The following ANKRD36C variants were observed in gnomAD, a reference collection of about 807,000 sequenced individuals.
The protein encoded by ANKRD36C is ankyrin repeat domain-containing protein 36C.
Under a neutral mutation model 276.4 loss-of-function variants are expected in ANKRD36C, and 61 were observed. The observed-to-expected ratio is 0.22, with a 90% CI of 0.18 to 0.27. The LOEUF is 0.27. Ranked by LOEUF, ANKRD36C falls within the 10% of genes least tolerant of loss-of-function variation. ANKRD36C has a pLI of 1.00. For missense variants in ANKRD36C, 1,447 were observed against 2,032.3 expected, an observed-to-expected ratio of 0.71 and a Z score of 5.54; for synonymous variants, 483 against 680.1, an observed-to-expected ratio of 0.71 and a Z score of 4.51.
intron 59 of ANKRD36C, among the ~76,000 whole-genome samples, chr2:95,875,732 A>C (rs201080224): frequency 3.3e-5 from 5 of 152,328 alleles, no homozygotes; most frequent in Admixed American, 6.5e-5. Context: ...ATGCAAATTA[A>C]ACATTGTAAT....
chr2:95,890,098 A>T (rs1676303719), intron 46 of ANKRD36C, 104 bp from the exon 67 acceptor site: 1 of 1,437,798 alleles, frequency 7.0e-7, no homozygotes, highest in Admixed American at 1.8e-5. Context: ...TGCCTGTATT[A>T]GTGTAGGCTT....
intron 44 of ANKRD36C, among the ~76,000 whole-genome samples, chr2:95,894,929 T>C (rs1457690247): frequency 6.6e-6 from 1 of 150,398 alleles, no homozygotes; most frequent in East Asian, 2.0e-4. Context: ...TTTCCCACCT[T>C]CCTGCCTCAC....
intron 44 of ANKRD36C, 70 bp from the exon 59 acceptor site, chr2:95,897,535 T>C (rs1676590053): frequency 2.7e-6 from 4 of 1,509,244 alleles, no homozygotes; most frequent in South Asian, 1.2e-5. Context: ...ATTCATGCAG[T>C]GTTAGCATCA....
At chr2:95,965,918 G>A (rs1385585742) in intron 6 of ANKRD36C, among the ~76,000 whole-genome samples, 7 of 152,012 alleles carry the variant, frequency 4.6e-5, no homozygotes, top group African/African-American at 7.2e-5. Flanking sequence ...GTTGTAAGAG[G>A]TTTTTAATGT....
rs1676762884 is a variant in ANKRD36C at position 95,906,513 on chromosome 2, A to C, written c.2653+5731T>G. ...ACCCAAGAACTTATTAGAAATGAAG[A>C]ATCTCAGGCCTACTGAATCAGAATG... On this transcript the variant is annotated intron_variant, in intron 42 of 66. Transcript: ENST00000456556. The C allele has an allele frequency of 6.9e-6, 2 of 288,586 alleles. 1 individual carries two copies. 17.9% of individuals were successfully genotyped at this position (288,586 alleles called of 1,614,324 possible). A position where few individuals can be genotyped will look rare whatever the true frequency, so the allele number is the denominator to read the frequency against.
downstream of ANKRD36C, among the ~76,000 whole-genome samples, chr2:95,850,994 A>G (rs1360508240): frequency 1.3e-5 from 2 of 152,206 alleles, no homozygotes; most frequent in African/African-American, 4.8e-5. Context: ...CATAAGTATT[A>G]CCCTTCACTA....
At chr2:95,934,254 T>G (rs961809219) in intron 24 of ANKRD36C, among the ~76,000 whole-genome samples, 3 of 152,066 alleles carry the variant, frequency 2.0e-5, no homozygotes, top group Non-Finnish European at 4.4e-5. Context: ...CATTACTGAA[T>G]ACATACCCCA....
intron 3 of ANKRD36C, among the ~76,000 whole-genome samples, chr2:95,985,278 AAGTC>A (rs1033362320): frequency 6.6e-6 from 1 of 152,230 alleles, no homozygotes; most frequent in African/African-American, 2.4e-5. Context: ...AGACAGGTAA[AAGTC>A]AGGCCAATAT....
chr2:95,881,645 C>G (rs1396214221), intron 56 of ANKRD36C, among the ~76,000 whole-genome samples: 1 of 152,150 alleles, frequency 6.6e-6, no homozygotes, highest in African/African-American at 2.4e-5. Context: ...TAATGAGGCA[C>G]TGTGGTTTAT....
intron 42 of ANKRD36C, among the ~76,000 whole-genome samples, chr2:95,909,970 C>T (rs1033690971): frequency 6.6e-6 from 1 of 151,226 alleles, no homozygotes; most frequent in Non-Finnish European, 1.5e-5. Flanking sequence ...AGTTCTCCTA[C>T]AGTGTGTACG....
chr2:95,855,135 T>A (rs1424039371), intron 63 of ANKRD36C, 131 bp downstream of exon 83: 11 of 1,321,972 alleles, frequency 8.3e-6, no homozygotes, highest in Non-Finnish European at 1.0e-5. Flanking sequence ...AAGGAATGTT[T>A]CTAAGCAGAT....
At chr2:95,853,773 T>C (rs745633027) in exon 64 of ANKRD36C, 4 of 1,603,880 alleles carry the variant, frequency 2.5e-6, no homozygotes, top group South Asian at 2.2e-5. Flanking sequence ...ATAGATGCAG[T>C]GACGCGATGA....
chr2:95,977,037 C>T (rs1269557305), intron 6 of ANKRD36C, among the ~76,000 whole-genome samples: 2 of 151,628 alleles, frequency 1.3e-5, no homozygotes, highest in Admixed American at 1.3e-4. Flanking sequence ...TCATTGAGAT[C>T]GATGACTTTG....
chr2:95,895,825 C>A (rs1053043427), intron 44 of ANKRD36C, among the ~76,000 whole-genome samples: 1 of 150,912 alleles, frequency 6.6e-6, no homozygotes, highest in African/African-American at 2.4e-5. Context: ...TGTCATGTGT[C>A]GAAACCCAAA....
chr2:95,957,691 C>CA (rs1305246640), intron 12 of ANKRD36C, among the ~76,000 whole-genome samples: 2 of 152,168 alleles, frequency 1.3e-5, no homozygotes, highest in African/African-American at 4.8e-5. Context: ...GAAATCACTC[C>CA]AATATTCAAT....
intron 59 of ANKRD36C, among the ~76,000 whole-genome samples, chr2:95,875,586 C>T (rs1190038596): frequency 5.3e-5 from 8 of 150,820 alleles, no homozygotes; most frequent in African/African-American, 1.7e-4. Context: ...TGCTAAATGA[C>T]GAGTTAATGG....
At chr2:95,893,191 T>C (rs1432147756) in intron 44 of ANKRD36C, among the ~76,000 whole-genome samples, 2 of 151,466 alleles carry the variant, frequency 1.3e-5, no homozygotes, top group East Asian at 1.9e-4. Flanking sequence ...ATGTGACGTC[T>C]GTAAAATCGA....
chr2:95,982,329 G>A lies in ANKRD36C; in HGVS notation c.520C>T (p.Gln174Ter). The A allele has an allele frequency of 1.9e-6, 3 of 1,549,442 alleles. No homozygotes were observed. The highest frequency in any genetic ancestry group is 2.6e-6 in the Non-Finnish European group (3 of 1,146,094). ...AATTCCACCATTTTCACTTTTCTTT[G>A]ACTCACAGCAAGGAACAGTGGCGGA... The change falls in exon 4 of 67, where the codon CAA becomes TAA. Residue 174 changes from glutamine (Q) to a stop codon, truncating the protein, a stop_gained. Coordinates refer to ENST00000456556, the Ensembl canonical transcript of ANKRD36C. LOFTEE classifies it high-confidence loss of function.
Position 95,908,005 on chromosome 2 carries a change from A to G in ANKRD36C, c.2653+4239T>C, listed in dbSNP as rs1250516956. Among the ~76,000 whole-genome samples, 8 of 150,692 alleles carry G rather than the reference A, an allele frequency of 5.3e-5. No individual in the cohort carries two copies. The East Asian group carries it at 1.6e-3, about 30-fold the overall frequency. Reference sequence around the variant, plus strand: ...TTCTCAGCAGAAACCCCAAAATTATATAAATGACTTCCTCTTTTCACACCT... The same window carrying G: ...TTCTCAGCAGAAACCCCAAAATTATGTAAATGACTTCCTCTTTTCACACCT... On this transcript the variant is annotated intron_variant, in intron 42 of 66. Transcript: ENST00000456556.
Sources: allele counts gnomAD v4.1 joint callset (sites outside exome capture counted in the v4.1 genomes callset), GRCh38; gene constraint gnomAD v4.1.1; transcripts MANE v1.5; gene names NCBI Gene and HGNC (gene_info 2026-07-23, HGNC 2026-07-21).